The following TMC2 variants were observed in gnomAD, a reference collection of about 807,000 sequenced individuals.
TMC2 encodes the protein transmembrane channel like 2.
TMC2 carries 102 observed loss-of-function variants against 105.9 expected under a neutral mutation model. That is an observed-to-expected ratio of 0.96 (90% CI 0.82 to 1.14). The LOEUF is 1.14. TMC2 is among the 50% of genes most tolerant of loss of function. TMC2 has a pLI of 0.00. For synonymous variants in TMC2, 402 were observed against 422.8 expected, an observed-to-expected ratio of 0.95 and a Z score of 0.60; for missense variants, 1,093 against 1,134.3, an observed-to-expected ratio of 0.96 and a Z score of 0.52.
intron 16 of TMC2, among the ~76,000 whole-genome samples, chr20:2,622,037 A>C (rs759816975): frequency 7.2e-5 from 11 of 151,888 alleles, no homozygotes; most frequent in Non-Finnish European, 1.5e-4. Context: ...AAATAAAAAT[A>C]ATAATAATAA....
intron 5 of TMC2, among the ~76,000 whole-genome samples, chr20:2,573,431 C>T (rs866030947): frequency 7.3e-5 from 11 of 151,654 alleles, no homozygotes; most frequent in African/African-American, 1.5e-4. Context: ...TTTGCAAATG[C>T]GATCATTTTT....
chr20:2,556,804 TTGTC>T (rs1157474657), intron 2 of TMC2, among the ~76,000 whole-genome samples: 1 of 152,222 alleles, frequency 6.6e-6, no homozygotes, highest in Non-Finnish European at 1.5e-5. Flanking sequence ...CCGTTTTTGT[TTGTC>T]TGAGAAAGTC....
At position 2,589,269 on chromosome 20, in the gene TMC2, C is replaced by CGTGTGTGTGTGTGTGTGTGTGT. The variant is rs764448789; in HGVS notation, c.835-3041_835-3040insGTGTGTGTGTGTGTGTGTGTGT. Among the ~76,000 whole-genome samples, 71 of 84,702 alleles carry CGTGTGTGTGTGTGTGTGTGTGT rather than the reference C, an allele frequency of 8.4e-4. 5 individuals are homozygous for CGTGTGTGTGTGTGTGTGTGTGT. The highest frequency in any genetic ancestry group is 2.2e-3 in the East Asian group (5 of 2,318). The allele number at this position is 84,702 out of a possible 152,430, so 55.6% of individuals were successfully genotyped here. On this transcript the variant is annotated intron_variant, in intron 7 of 19. Coordinates refer to ENST00000358864, the MANE Select transcript of TMC2 (RefSeq NM_080751.3). ...TTTTTCCAGATATCTTCCTATTTGC[C>CGTGTGTGTGTGTGTGTGTGTGT]CTGTGTGTGTGTGTGTGTGTGTGTG...
intron 2 of TMC2, among the ~76,000 whole-genome samples, chr20:2,553,285 CT>C (rs1169472136): frequency 6.7e-6 from 1 of 149,674 alleles, no homozygotes; most frequent in Non-Finnish European, 1.5e-5. Flanking sequence ...TTGCTGAGAA[CT>C]TTTTTAATCA....
intron 2 of TMC2, among the ~76,000 whole-genome samples, chr20:2,538,383 C>T (rs1040884796): frequency 1.3e-5 from 2 of 152,198 alleles, no homozygotes; most frequent in Non-Finnish European, 2.9e-5. Context: ...CTCTTTATCT[C>T]AATCCAAAGA....
At chr20:2,576,483 A>C (rs1305346398) in intron 5 of TMC2, among the ~76,000 whole-genome samples, 2 of 152,206 alleles carry the variant, frequency 1.3e-5, no homozygotes, top group African/African-American at 4.8e-5. Context: ...CTGTGCCTCC[A>C]GGGACCTCAC....
chr20:2,572,631 G>A (rs2086112002), intron 5 of TMC2, among the ~76,000 whole-genome samples: 1 of 152,202 alleles, frequency 6.6e-6, no homozygotes, highest in Admixed American at 6.5e-5. Context: ...TCACGTGGAT[G>A]ATAAACAGCG....
chr20:2,583,298 T>G (rs1053681946), intron 7 of TMC2, among the ~76,000 whole-genome samples: 4 of 152,234 alleles, frequency 2.6e-5, no homozygotes, highest in Non-Finnish European at 4.4e-5. Context: ...TCCATCTTGC[T>G]GGCAGAATTC....
At position 2,624,408 on chromosome 20, in the gene TMC2, A is replaced by C. The variant is rs749687950; in HGVS notation, c.2306+12A>C. ...ATCCTGCTGATGTTGTAAGTTAGCC[A>C]GGACCCATGGCTCCACCCCACGGAA... On this transcript the variant is annotated intron_variant, in intron 17 of 19. Coordinates refer to ENST00000358864, the MANE Select transcript of TMC2 (RefSeq NM_080751.3). The C allele has an allele frequency of 2.5e-6, 4 of 1,611,140 alleles. No homozygotes were observed. In the African/African-American group the frequency reaches 5.3e-5, roughly 22 times the overall value.
intron 2 of TMC2, among the ~76,000 whole-genome samples, chr20:2,548,593 G>A (rs1442210211): frequency 1.3e-5 from 2 of 150,240 alleles, no homozygotes; most frequent in South Asian, 4.2e-4. Context: ...AGCCAAGATA[G>A]CACCATTGCA....
intron 2 of TMC2, among the ~76,000 whole-genome samples, chr20:2,552,330 A>G (rs8120421): frequency 0.18 from 26,991 of 152,180 alleles, 2,515 homozygotes; most frequent in African/African-American, 0.22. Flanking sequence ...TTTTGATTGA[A>G]ATCGCATTAA....
intron 2 of TMC2, among the ~76,000 whole-genome samples, chr20:2,555,925 G>T (rs561186529): frequency 6.6e-6 from 1 of 152,116 alleles, no homozygotes; most frequent in South Asian, 2.1e-4. Context: ...TTTATAAAAG[G>T]GTATTCCCAA....
chr20:2,638,370 C>A (rs2086664651), intron 19 of TMC2, among the ~76,000 whole-genome samples: 1 of 128,982 alleles, frequency 7.8e-6, no homozygotes, highest in South Asian at 2.5e-4. Flanking sequence ...AAAAAAAAAT[C>A]TCTAGCACAT....
Position 2,558,789 on chromosome 20 carries a change from C to T in TMC2, c.401+15C>T, listed in dbSNP as rs749961735. 2 of 1,516,264 alleles carry T rather than the reference C, an allele frequency of 1.3e-6. No homozygotes were observed. The highest frequency in any genetic ancestry group is 1.4e-5 in the African/African-American group (1 of 71,832). The allele number at this position is 1,516,264 out of a possible 1,614,324, so 93.9% of individuals were successfully genotyped here. ...AAGAAACCCAGGTGTGTTGTGGCTC[C>T]GATTCTGGGCATTCGCTCCGCGCGC... On this transcript the variant is annotated intron_variant, in intron 3 of 19. Coordinates refer to ENST00000358864, the MANE Select transcript of TMC2 (RefSeq NM_080751.3). This position sits in a 1 kb window ranked among gnomAD's most constrained non-coding sequence, Gnocchi z 4.6.
rs1460043305 is a variant in TMC2, at chr20:2,540,920, G to C, written c.82+3604G>C. Among the ~76,000 whole-genome samples, 5 of 151,986 alleles carry C rather than the reference G, an allele frequency of 3.3e-5. No homozygotes were observed. The East Asian group carries it at 9.7e-4, about 29-fold the overall frequency. On this transcript the variant is annotated intron_variant, in intron 2 of 19. Transcript: ENST00000358864. ...TCCAGATTTCAACCCAGCTCCCTGT[G>C]GGCGTGTACCCCTCTCCTCCTGCCT...
chr20:2,610,512 A>T lies in TMC2; in HGVS notation c.1507A>T (p.Lys503Ter), dbSNP rs143365063. The change falls in exon 12 of 20, where the codon AAG (lysine) becomes TAG (stop). Residue 503 changes from lysine to a stop codon, truncating the protein, a stop_gained. Transcript: ENST00000358864. LOFTEE classifies it high-confidence loss of function. ...GAATTACCACCCACGCACTGGACTGAAGTGGCAGCTGGGACGCATCTTTGC... is the reference window on the plus strand; with the variant it reads ...GAATTACCACCCACGCACTGGACTGTAGTGGCAGCTGGGACGCATCTTTGC... ...LENYHPRTGLKWQLGRIFALF... is the reference protein window; with the variant it reads ...LENYHPRTGL 4.8e-5 allele frequency: 78 copies of T among 1,613,688 alleles called. No individual in the cohort carries two copies. The highest frequency in any genetic ancestry group is 5.8e-5 in the Non-Finnish European group (68 of 1,179,884).
intron 17 of TMC2, among the ~76,000 whole-genome samples, chr20:2,631,126 T>C (rs1007312693): frequency 2.0e-4 from 13 of 64,734 alleles, no homozygotes; most frequent in Admixed American, 2.1e-4. Flanking sequence ...GCCCTGGAGA[T>C]TATAATTAAT....
intron 2 of TMC2, among the ~76,000 whole-genome samples, chr20:2,540,546 A>G (rs1301023938): frequency 2.6e-5 from 4 of 151,204 alleles, no homozygotes; most frequent in Non-Finnish European, 5.9e-5. Context: ...CTGTAGTCCT[A>G]GCTACTTGGG....
At chr20:2,582,571 G>T (rs2086201422) in intron 7 of TMC2, among the ~76,000 whole-genome samples, 1 of 152,120 alleles carries the variant, frequency 6.6e-6, no homozygotes, top group Non-Finnish European at 1.5e-5. Flanking sequence ...CACCTCCTGG[G>T]TTCCAGCAAT....
Sources: gnomAD v4.1 joint callset for allele counts (sites outside exome capture counted in the v4.1 genomes callset) on GRCh38, gnomAD v4.1.1 for gene constraint, Gnocchi (gnomAD v3.1) non-coding constraint, MANE v1.5 for transcripts, NCBI Gene and HGNC (gene_info 2026-07-23, HGNC 2026-07-21) for gene names.